NIPAL2: variants seen among roughly 807,000 people sequenced by gnomAD.
NIPAL2 encodes the protein NIPA like domain containing 2.
NIPAL2 carries 43 observed loss-of-function variants against 48.9 expected under a neutral mutation model. The ratio of observed to expected loss-of-function variants is 0.88; its 90% CI spans 0.69 to 1.13. The LOEUF (loss-of-function observed/expected upper bound fraction) is 1.13. NIPAL2 is among the 50% of genes most tolerant of loss of function. NIPAL2 has a pLI of 0.00. For synonymous variants in NIPAL2, 167 were observed against 174.6 expected, an observed-to-expected ratio of 0.96 and a Z score of 0.34; for missense variants, 446 against 461.4, an observed-to-expected ratio of 0.97 and a Z score of 0.31.
intron 3 of NIPAL2, among the ~76,000 whole-genome samples, chr8:98,250,258 T>C (rs769492563): frequency 6.6e-6 from 1 of 152,188 alleles, no homozygotes; most frequent in African/African-American, 2.4e-5. Flanking sequence ...TCCCAATAAA[T>C]GATACAGAAA....
chr8:98,194,283 A>T (rs1275609237), intron 10 of NIPAL2, among the ~76,000 whole-genome samples: 1 of 152,044 alleles, frequency 6.6e-6, no homozygotes, highest in Non-Finnish European at 1.5e-5. Context: ...GGGGGAAGAA[A>T]CTACTCATGT....
At position 98,270,199 on chromosome 8, in the gene NIPAL2, C is replaced by A. The variant is rs563401574; in HGVS notation, c.136-16112G>T. Among the ~76,000 whole-genome samples, 5 of 152,148 alleles carry A rather than the reference C, an allele frequency of 3.3e-5. No homozygotes were observed. In the East Asian group the frequency reaches 9.6e-4, roughly 29 times the overall value. On this transcript the variant is annotated intron_variant, in intron 1 of 10. Coordinates refer to ENST00000430223, the MANE Select transcript of NIPAL2 (RefSeq NM_001321635.2). ...AATTTATTTTCCTTTGGGTATATACCCAGTAATGGGATTGCTGGGTGAAAT... is the reference window on the plus strand; with the variant it reads ...AATTTATTTTCCTTTGGGTATATACACAGTAATGGGATTGCTGGGTGAAAT...
intron 10 of NIPAL2, chr8:98,193,538 G>T (rs1187101226): frequency 4.2e-6 from 4 of 945,188 alleles, no homozygotes; most frequent in Non-Finnish European, 6.8e-6. Flanking sequence ...AAATAATCAG[G>T]CTCGGTGCAG....
Position 98,192,400 on chromosome 8 carries a change from T to C in NIPAL2, c.*578A>G, listed in dbSNP as rs1810338997. 6.6e-6 allele frequency: 1 copy of C among 152,528 alleles called. No individual in the cohort carries two copies. The allele number at this position is 152,528 out of a possible 1,614,324, so 9.4% of individuals were successfully genotyped here. A position where few individuals can be genotyped will look rare whatever the true frequency, so the allele number is the denominator to read the frequency against. The stretch of plus-strand genomic sequence containing the variant: ...TGGTGTACACTATCACTGAATGCCA[T>C]TTATAAATTCTAATTTTAAAGAGAC... On this transcript the variant is annotated 3_prime_UTR_variant, in exon 11 of 11. Coordinates refer to ENST00000430223, the MANE Select transcript of NIPAL2 (RefSeq NM_001321635.2).
At chr8:98,243,056 G>T (rs540777472) in intron 3 of NIPAL2, among the ~76,000 whole-genome samples, 5 of 152,200 alleles carry the variant, frequency 3.3e-5, no homozygotes, top group African/African-American at 1.2e-4. Flanking sequence ...AATACTATCC[G>T]TAAGGGGAAA....
chr8:98,242,235 A>G (rs1349024262), intron 3 of NIPAL2, among the ~76,000 whole-genome samples: 3 of 152,194 alleles, frequency 2.0e-5, no homozygotes, highest in Non-Finnish European at 4.4e-5. Flanking sequence ...GCTGGAGTGC[A>G]GTGGCGCAAC....
intron 1 of NIPAL2, among the ~76,000 whole-genome samples, chr8:98,271,603 T>C (rs1361614806): frequency 6.6e-6 from 1 of 152,074 alleles, no homozygotes; most frequent in Non-Finnish European, 1.5e-5. Flanking sequence ...GCAGAGTTGT[T>C]AGGGTTTTCT....
chr8:98,287,716 T>A (rs1451491102), intron 1 of NIPAL2, among the ~76,000 whole-genome samples: 1 of 152,206 alleles, frequency 6.6e-6, no homozygotes, highest in East Asian at 1.9e-4. Context: ...ATAAGGTACA[T>A]ATGTATTATT....
chr8:98,199,384 G>A (rs1279508973), intron 8 of NIPAL2, among the ~76,000 whole-genome samples: 2 of 152,116 alleles, frequency 1.3e-5, no homozygotes, highest in Admixed American at 1.3e-4. Context: ...TTTGACTTAA[G>A]GGAAGGATTG....
chr8:98,249,227 G>T (rs1813442721), intron 3 of NIPAL2, among the ~76,000 whole-genome samples: 1 of 152,146 alleles, frequency 6.6e-6, no homozygotes, highest in African/African-American at 2.4e-5. Flanking sequence ...GCAGAATCCT[G>T]TTTGATTATG....
intron 1 of NIPAL2, among the ~76,000 whole-genome samples, chr8:98,281,135 T>A (rs1815808659): frequency 1.3e-5 from 2 of 151,674 alleles, no homozygotes; most frequent in Admixed American, 6.6e-5. Flanking sequence ...GGAAAGGACA[T>A]GAAATGAAAG....
chr8:98,274,374 A>G (rs905324782), intron 1 of NIPAL2, among the ~76,000 whole-genome samples: 1 of 151,990 alleles, frequency 6.6e-6, no homozygotes, highest in Non-Finnish European at 1.5e-5. Flanking sequence ...TGCTTTGTCT[A>G]TCAGTTGCCA....
At chr8:98,220,408 A>ATTTTT (rs71273110) in intron 5 of NIPAL2, among the ~76,000 whole-genome samples, 3 of 140,806 alleles carry the variant, frequency 2.1e-5, no homozygotes, top group Non-Finnish European at 3.1e-5. Flanking sequence ...GTGTGCTTTG[A>ATTTTT]TTTTTTTTTT....
Position 98,231,628 on chromosome 8 carries a change from T to A in NIPAL2, c.436+4527A>T, listed in dbSNP as rs191343089. On this transcript the variant is annotated intron_variant, in intron 4 of 10. Coordinates refer to ENST00000430223, the MANE Select transcript of NIPAL2 (RefSeq NM_001321635.2). ...GTGCTTTTTTTAAAAGGAAAAATAATCATTAAAATAATTAATCCACTAAGA... is the reference window on the plus strand; with the variant it reads ...GTGCTTTTTTTAAAAGGAAAAATAAACATTAAAATAATTAATCCACTAAGA... Among the ~76,000 whole-genome samples, 136 of 152,276 alleles carry A rather than the reference T, an allele frequency of 8.9e-4. 1 individual carries two copies. The highest frequency in any genetic ancestry group is 1.6e-3 in the Non-Finnish European group (108 of 68,020).
intron 7 of NIPAL2, 46 bp downstream of exon 7, chr8:98,205,065 G>T: frequency 6.3e-7 from 1 of 1,595,520 alleles, no homozygotes; most frequent in Non-Finnish European, 8.6e-7. Flanking sequence ...GCCCAGAGAA[G>T]CACCGGAATG....
intron 5 of NIPAL2, among the ~76,000 whole-genome samples, chr8:98,214,507 G>T (rs1298735986): frequency 6.6e-6 from 1 of 152,010 alleles, no homozygotes; most frequent in Non-Finnish European, 1.5e-5. Context: ...GGCTGAATTT[G>T]TAAGTATGAA....
intron 3 of NIPAL2, among the ~76,000 whole-genome samples, chr8:98,240,828 G>C (rs1479514200): frequency 1.3e-5 from 2 of 152,212 alleles, no homozygotes; most frequent in African/African-American, 4.8e-5. Context: ...ATACTGCCTA[G>C]GTGGCCGGGT....
In NIPAL2 at chr8:98,267,132, A is replaced by G. The variant is rs746290183; in HGVS notation, c.136-13045T>C. Reference sequence around the variant, plus strand: ...GTTTTCAATAATGTCTTCCAAATCCAATGAATATGGAAAATATTTGTAAGA... The same window carrying G: ...GTTTTCAATAATGTCTTCCAAATCCGATGAATATGGAAAATATTTGTAAGA... On this transcript the variant is annotated intron_variant, in intron 1 of 10. Coordinates refer to ENST00000430223, the MANE Select transcript of NIPAL2 (RefSeq NM_001321635.2). Among the ~76,000 whole-genome samples, 99 of 152,298 alleles carry G rather than the reference A, an allele frequency of 6.5e-4. 1 individual carries two copies. In the South Asian group the frequency reaches 7.7e-3, roughly 12 times the overall value.
intron 8 of NIPAL2, among the ~76,000 whole-genome samples, chr8:98,202,591 G>A (rs187757446): frequency 1.4e-3 from 218 of 152,254 alleles, no homozygotes; most frequent in African/African-American, 4.9e-3. Context: ...GCTATGTGAC[G>A]TGTCTGTTCT....
Sources: gnomAD v4.1 joint callset for allele counts (sites outside exome capture counted in the v4.1 genomes callset) on GRCh38, gnomAD v4.1.1 for gene constraint, MANE v1.5 for transcripts, NCBI Gene and HGNC (gene_info 2026-07-23, HGNC 2026-07-21) for gene names.